The following NRG3 variants were observed in gnomAD, a reference collection of about 807,000 sequenced individuals.
NRG3 encodes neuregulin 3.
In NRG3, 31 loss-of-function variants were observed where a neutral mutation model predicts 66.9. That is an observed-to-expected ratio of 0.46 (90% CI 0.35 to 0.63). The LOEUF is 0.63. Ranked by LOEUF, NRG3 falls within the 20% of genes least tolerant of loss-of-function variation. The pLI, the probability that NRG3 is intolerant of heterozygous loss-of-function variation, is 0.00. For missense variants in NRG3, 910 were observed against 878.9 expected (o/e 1.04, Z -0.45); for synonymous variants, 393 against 359.4 (o/e 1.09, Z -1.06).
At chr10:82,531,242 G>A (rs1320318139) in intron 2 of NRG3, among the ~76,000 whole-genome samples, 1 of 151,520 alleles carries the variant, frequency 6.6e-6, no homozygotes, top group East Asian at 1.9e-4. Flanking sequence ...AGGTTTACAG[G>A]TAATTAAAAA....
chr10:82,438,211 C>T, intron 2 of NRG3, among the ~76,000 whole-genome samples: 1 of 152,208 alleles, frequency 6.6e-6, no homozygotes, highest in Middle Eastern at 3.2e-3. Context: ...GGCTCAGGCC[C>T]AGGGAGATCC....
intron 2 of NRG3, among the ~76,000 whole-genome samples, chr10:82,560,489 A>T (rs1450081747): frequency 6.6e-6 from 1 of 151,086 alleles, no homozygotes; most frequent in Non-Finnish European, 1.5e-5. Context: ...TATTTTGGAT[A>T]AGTATCATAT....
chr10:82,474,716 G>A (rs1356504313), intron 2 of NRG3, among the ~76,000 whole-genome samples: 2 of 152,080 alleles, frequency 1.3e-5, no homozygotes, highest in African/African-American at 4.8e-5. Context: ...AAGAAATAAT[G>A]ACTGAAAACA....
chr10:82,085,913 C>T (rs931427870), intron 1 of NRG3, among the ~76,000 whole-genome samples: 4 of 152,110 alleles, frequency 2.6e-5, no homozygotes, highest in African/African-American at 9.7e-5. Flanking sequence ...ACTGGGCTTA[C>T]AGGCATGAGC....
At chr10:82,784,078 G>C (rs2060236809) in intron 3 of NRG3, among the ~76,000 whole-genome samples, 1 of 151,986 alleles carries the variant, frequency 6.6e-6, no homozygotes, top group South Asian at 2.1e-4. Flanking sequence ...TCTGATCTTT[G>C]ACAAACCTGA....
chr10:81,991,132 G>A (rs1214706620), intron 1 of NRG3, among the ~76,000 whole-genome samples: 1 of 152,136 alleles, frequency 6.6e-6, no homozygotes, highest in African/African-American at 2.4e-5. Context: ...TTGGGCATGG[G>A]ATATAGCTGG....
chr10:82,195,434 C>T (rs527437065), intron 1 of NRG3, among the ~76,000 whole-genome samples: 62 of 152,222 alleles, frequency 4.1e-4, no homozygotes, highest in African/African-American at 1.5e-3. Flanking sequence ...TGGTGGGACT[C>T]AAGTACTATC....
chr10:82,294,736 T>C (rs1019404092), intron 1 of NRG3, among the ~76,000 whole-genome samples: 1 of 152,200 alleles, frequency 6.6e-6, no homozygotes, highest in Non-Finnish European at 1.5e-5. Context: ...TTTTCCTGTC[T>C]ACTCACATTT....
At chr10:82,366,683 T>A (rs903350900) in intron 2 of NRG3, among the ~76,000 whole-genome samples, 10 of 152,198 alleles carry the variant, frequency 6.6e-5, no homozygotes, top group Admixed American at 1.3e-4. Flanking sequence ...TTTATTTTTT[T>A]ATTTTTTTTG....
At chr10:82,430,767 G>C (rs1217162392) in intron 2 of NRG3, among the ~76,000 whole-genome samples, 3 of 152,142 alleles carry the variant, frequency 2.0e-5, no homozygotes. Flanking sequence ...ATGGTTTGGT[G>C]TCAGCTAATG....
intron 4 of NRG3, among the ~76,000 whole-genome samples, chr10:82,927,683 A>T (rs1022894066): frequency 1.3e-5 from 2 of 152,134 alleles, no homozygotes; most frequent in Non-Finnish European, 1.5e-5. Flanking sequence ...TCATCCTTTC[A>T]TATGGCTGCA....
intron 2 of NRG3, among the ~76,000 whole-genome samples, chr10:82,506,077 C>G (rs1233612256): frequency 2.6e-5 from 4 of 152,160 alleles, no homozygotes; most frequent in African/African-American, 4.8e-5. Context: ...AAAACCCCTT[C>G]TCTACTAAAA....
chr10:82,925,787 C>T (rs1480601805), intron 4 of NRG3, among the ~76,000 whole-genome samples: 1 of 152,194 alleles, frequency 6.6e-6, no homozygotes, highest in Non-Finnish European at 1.5e-5. Flanking sequence ...ATATCTGCAA[C>T]TCCATGTGTG....
chr10:82,660,150 C>A (rs1312087321), intron 2 of NRG3, among the ~76,000 whole-genome samples: 1 of 122,902 alleles, frequency 8.1e-6, no homozygotes, highest in Non-Finnish European at 1.6e-5. Context: ...GAGCTGAGAC[C>A]GGGACATTGC....
At chr10:82,444,035 A>G (rs987990658) in intron 2 of NRG3, among the ~76,000 whole-genome samples, 6 of 152,222 alleles carry the variant, frequency 3.9e-5, no homozygotes, top group Admixed American at 6.5e-5. Context: ...TGATAAGACT[A>G]TCAACATTTG....
rs371050868 is a variant in NRG3, at chr10:82,836,669, G to A, written c.1028-28742G>A. 2.1e-4 allele frequency among the ~76,000 whole-genome samples: 32 copies of A among 151,300 alleles called. No individual in the cohort carries two copies. In the East Asian group the frequency reaches 5.4e-3, roughly 26 times the overall value. ...TAAATATATGAGAGGATATGTGTAG[G>A]TTATATGCAAATACTGTGCCATTTT... On this transcript the variant is annotated intron_variant, in intron 3 of 8. Coordinates refer to ENST00000372141, the MANE Select transcript of NRG3 (RefSeq NM_001010848.4).
intron 4 of NRG3, among the ~76,000 whole-genome samples, chr10:82,886,290 T>G (rs928206513): frequency 1.3e-5 from 2 of 152,232 alleles, no homozygotes; most frequent in African/African-American, 4.8e-5. Context: ...TCAATTTCCC[T>G]TACTCATTTA....
At chr10:82,887,718 C>G (rs1285555250) in intron 4 of NRG3, among the ~76,000 whole-genome samples, 1 of 152,204 alleles carries the variant, frequency 6.6e-6, no homozygotes, top group African/African-American at 2.4e-5. Context: ...ACTGCACAAG[C>G]TCTATCTCCA....
At chr10:82,078,098 C>CA (rs902720116) in intron 1 of NRG3, among the ~76,000 whole-genome samples, 5 of 149,828 alleles carry the variant, frequency 3.3e-5, no homozygotes, top group South Asian at 4.2e-4. Flanking sequence ...TCTCTAAATA[C>CA]AAAAAAAAAG....
Sources: gnomAD v4.1 joint callset for allele counts (sites outside exome capture counted in the v4.1 genomes callset) on GRCh38, gnomAD v4.1.1 for gene constraint, MANE v1.5 for transcripts, NCBI Gene and HGNC (gene_info 2026-07-23, HGNC 2026-07-21) for gene names.